The following PPEF2 variants were observed in gnomAD, a reference collection of about 807,000 sequenced individuals.
PPEF2 encodes serine/threonine-protein phosphatase with EF-hands 2.
In PPEF2, 84 loss-of-function variants were observed where a neutral mutation model predicts 84.7. The ratio of observed to expected loss-of-function variants is 0.99; its 90% CI spans 0.83 to 1.19. The LOEUF (loss-of-function observed/expected upper bound fraction) is 1.19. Ranked by LOEUF, PPEF2 falls within the 50% of genes most tolerant of loss-of-function variation. The pLI is 0.00. For synonymous variants in PPEF2, 346 were observed against 345.2 expected, an observed-to-expected ratio of 1.00 and a Z score of -0.03; for missense variants, 924 against 937.5, an observed-to-expected ratio of 0.99 and a Z score of 0.19.
intron 10 of PPEF2, 165 bp downstream of exon 10, chr4:75,882,761 G>C: frequency 1.5e-6 from 1 of 659,856 alleles, no homozygotes; most frequent in Non-Finnish European, 2.4e-6. Context: ...CTAAAGTGCT[G>C]AGTTTATAGG....
chr4:75,901,190 T>C (rs1725113587), intron 1 of PPEF2, among the ~76,000 whole-genome samples: 1 of 152,148 alleles, frequency 6.6e-6, no homozygotes, highest in African/African-American at 2.4e-5. Context: ...GATGGAGTCA[T>C]CTACGGACAA....
chr4:75,897,329 G>A (rs756290751), intron 1 of PPEF2, among the ~76,000 whole-genome samples: 4 of 152,102 alleles, frequency 2.6e-5, no homozygotes, highest in Non-Finnish European at 4.4e-5. Flanking sequence ...TTGATCTCAC[G>A]TGGTATATGC....
At chr4:75,884,793 T>A (rs770155950) in intron 7 of PPEF2, 33 bp from the exon 8 acceptor site, 20 of 1,515,950 alleles carry the variant, frequency 1.3e-5, no homozygotes, top group Non-Finnish European at 1.7e-5. Context: ...AAAGAATGAA[T>A]GGGAGGAAGG....
intron 13 of PPEF2, among the ~76,000 whole-genome samples, chr4:75,871,400 A>G (rs1376768114): frequency 2.0e-5 from 3 of 152,148 alleles, no homozygotes; most frequent in Non-Finnish European, 4.4e-5. Flanking sequence ...GTAACCTCAG[A>G]AAGACTTAGT....
chr4:75,900,361 G>T (rs915644035), intron 1 of PPEF2, among the ~76,000 whole-genome samples: 1 of 152,112 alleles, frequency 6.6e-6, no homozygotes, highest in Non-Finnish European at 1.5e-5. Context: ...TCTATCATGG[G>T]CCAATAAACT....
rs376923777 is a variant in PPEF2, at chr4:75,896,335, G to A, written c.-10C>T. ...AGGTGCCGCTTCCCATAGTTTAAGC[G>A]CAATGCTCCTGCAGGACGCAGCAGA... On this transcript the variant is annotated 5_prime_UTR_variant, in exon 2 of 17. Coordinates refer to ENST00000286719, the MANE Select transcript of PPEF2 (RefSeq NM_006239.3). 60 of 1,613,924 alleles carry A rather than the reference G, an allele frequency of 3.7e-5. No homozygotes were observed. Among genetic ancestry groups the A allele is most frequent in the Admixed American group, 2.5e-4 (15 of 59,996 alleles).
At position 75,864,468 on chromosome 4, in the gene PPEF2, A is replaced by C; in HGVS notation, c.1980T>G (p.Ile660Met). Residue 660 changes from isoleucine to methionine, a missense_variant, in exon 16 of 17, where the codon ATT becomes ATG. By Grantham distance (10) the Ile-to-Met change is conservative. Transcript: ENST00000286719. ...AATGATCACTGTCTATGATCCTAAA[A>C]ATGGTCTCTAGGTTGGATCGGTTTC... ...LYRNRSNLET[I>M]FRIIDSDHSG... 1 of 1,611,186 alleles carries C rather than the reference A, an allele frequency of 6.2e-7. No individual in the cohort carries two copies. The highest frequency in any genetic ancestry group is 8.5e-7 in the Non-Finnish European group (1 of 1,177,410).
intron 13 of PPEF2, among the ~76,000 whole-genome samples, chr4:75,867,873 T>C (rs1230870440): frequency 6.6e-6 from 1 of 152,210 alleles, no homozygotes; most frequent in Non-Finnish European, 1.5e-5. Context: ...TTTATTATCA[T>C]GTGAAACAGA....
chr4:75,864,484 G>C lies in PPEF2; in HGVS notation c.1964C>G (p.Ser655Cys). ...SLLETLYRNR[S>C]NLETIFRIID... ...GATCCTAAAAATGGTCTCTAGGTTG[G>C]ATCGGTTTCGATACAATGTTTCCAG... The change falls in exon 16 of 17, where the codon TCC (serine) becomes TGC (cysteine). Residue 655 changes from serine (S) to cysteine (C), a missense_variant. Coordinates refer to ENST00000286719, the MANE Select transcript of PPEF2 (RefSeq NM_006239.3). The C allele has an allele frequency of 6.2e-7, 1 of 1,613,028 alleles. No homozygotes were observed. The highest frequency in any genetic ancestry group is 8.5e-7 in the Non-Finnish European group (1 of 1,179,110).
At chr4:75,865,822 G>A (rs1724113288) in intron 15 of PPEF2, among the ~76,000 whole-genome samples, 1 of 152,234 alleles carries the variant, frequency 6.6e-6, no homozygotes, top group Admixed American at 6.5e-5. Context: ...TACTTTTTAA[G>A]TAGGGTAAGC....
At chr4:75,892,033 T>C in intron 2 of PPEF2, 55 bp from the exon 3 acceptor site, 3 of 1,594,968 alleles carry the variant, frequency 1.9e-6, no homozygotes, top group Non-Finnish European at 2.6e-6. Flanking sequence ...GGGCCAGGGG[T>C]TTGGGGGTAG....
chr4:75,870,131 C>T (rs1181074277), intron 13 of PPEF2, among the ~76,000 whole-genome samples: 1 of 152,092 alleles, frequency 6.6e-6, no homozygotes, highest in African/African-American at 2.4e-5. Context: ...ATTACTATTA[C>T]ATTACTACAT....
chr4:75,886,596 A>G (rs1560486150), intron 7 of PPEF2, among the ~76,000 whole-genome samples: 1 of 151,994 alleles, frequency 6.6e-6, no homozygotes, highest in African/African-American at 2.4e-5. Flanking sequence ...GGCATGCACT[A>G]GTGGTCCCAG....
intron 10 of PPEF2, among the ~76,000 whole-genome samples, chr4:75,880,336 G>C (rs1033172586): frequency 6.6e-6 from 1 of 152,092 alleles, no homozygotes; most frequent in Non-Finnish European, 1.5e-5. Context: ...AAAATACTAA[G>C]ACTCTTCCAG....
At chr4:75,865,936 G>A (rs1391893096) in intron 15 of PPEF2, among the ~76,000 whole-genome samples, 2 of 152,136 alleles carry the variant, frequency 1.3e-5, no homozygotes, top group Admixed American at 6.6e-5. Flanking sequence ...TAACCTCTGT[G>A]GGCAGTGTCC....
Position 75,860,899 on chromosome 4 carries a change from A to T in PPEF2, c.2030T>A (p.Phe677Tyr). The T allele has an allele frequency of 6.2e-7, 1 of 1,614,180 alleles. No individual in the cohort carries two copies. Among genetic ancestry groups the T allele is most frequent in the Non-Finnish European group, 8.5e-7 (1 of 1,179,994 alleles). ...GCTGAACAGCTTCCAGGTCTGCCTG[A>T]ACTCGTCCAGTGAGATGAACCCTTA... ...DHSGFISLDE[F>Y]RQTWKLFSSH... Residue 677 changes from phenylalanine to tyrosine, a missense_variant, in exon 17 of 17, where the codon TTC (phenylalanine) becomes TAC (tyrosine). Phe to Tyr is a conservative substitution (Grantham distance 22). Transcript: ENST00000286719.
At chr4:75,896,940 A>C (rs1170552287) in intron 1 of PPEF2, among the ~76,000 whole-genome samples, 1 of 151,976 alleles carries the variant, frequency 6.6e-6, no homozygotes, top group African/African-American at 2.4e-5. Flanking sequence ...GGAGTAGTGC[A>C]GTGGCACAAT....
intron 13 of PPEF2, 95 bp downstream of exon 13, chr4:75,871,930 A>G (rs905783010): frequency 5.2e-6 from 7 of 1,348,754 alleles, no homozygotes; most frequent in Non-Finnish European, 7.1e-6. Context: ...ATTCTCACGT[A>G]GAATTTGAAT....
In PPEF2 at chr4:75,876,367, C is replaced by A; in HGVS notation, c.1240G>T (p.Glu414Ter). The A allele has an allele frequency of 6.2e-7, 1 of 1,614,140 alleles. No individual in the cohort carries two copies. Among genetic ancestry groups the A allele is most frequent in the Non-Finnish European group, 8.5e-7 (1 of 1,180,036 alleles). The change falls in exon 11 of 17, where the codon GAG (glutamate) becomes TAG (stop). Residue 414 changes from glutamate (E) to a stop codon, truncating the protein, a stop_gained. Transcript: ENST00000286719. LOFTEE classifies it high-confidence loss of function. Reference sequence around the variant, plus strand: ...TCTGAGGCTGAGCGGGAGGGCTCCTCTTTCTCTCCGGTCACCAGGAGGCCT... The same window carrying A: ...TCTGAGGCTGAGCGGGAGGGCTCCTATTTCTCTCCGGTCACCAGGAGGCCT... ...QAGLLVTGEK[E>*]EPSRSASEAD...
Sources: gnomAD v4.1 joint callset for allele counts (sites outside exome capture counted in the v4.1 genomes callset) on GRCh38, gnomAD v4.1.1 for gene constraint, MANE v1.5 for transcripts, NCBI Gene and HGNC (gene_info 2026-07-23, HGNC 2026-07-21) for gene names.